The following SAMTOR variants were observed in gnomAD, a reference collection of about 807,000 sequenced individuals.
The protein encoded by SAMTOR is S-adenosylmethionine sensor upstream of mTORC1, also known as UPF0532 protein C7orf60.
the SAMTOR span, among the ~76,000 whole-genome samples, chr7:112,929,378 A>C: frequency 6.6e-6 from 1 of 152,034 alleles, no homozygotes; most frequent in Non-Finnish European, 1.5e-5. Context: ...GCAAATTAAA[A>C]CCACAATAAG....
chr7:112,877,448 A>AC, the SAMTOR span, among the ~76,000 whole-genome samples: 13 of 152,226 alleles, frequency 8.5e-5, no homozygotes, highest in African/African-American at 2.9e-4. Flanking sequence ...ATTGCTATTT[A>AC]CCATATTAGA....
At chr7:112,836,010 G>A in the SAMTOR span, among the ~76,000 whole-genome samples, 1 of 152,042 alleles carries the variant, frequency 6.6e-6, no homozygotes, top group Non-Finnish European at 1.5e-5. Context: ...CAATAATGGG[G>A]GATTGCTGAG....
the SAMTOR span, among the ~76,000 whole-genome samples, chr7:112,855,892 C>T: frequency 6.6e-6 from 1 of 151,490 alleles, no homozygotes; most frequent in Non-Finnish European, 1.5e-5. Flanking sequence ...CCTACCTCAC[C>T]ATGCTTGGGG....
At chr7:112,931,644 G>A in the SAMTOR span, among the ~76,000 whole-genome samples, 6 of 152,104 alleles carry the variant, frequency 3.9e-5, no homozygotes, top group African/African-American at 1.4e-4. Context: ...ATTTTCATAT[G>A]TTCAATTAAA....
At chr7:112,892,172 G>C in the SAMTOR span, among the ~76,000 whole-genome samples, 1 of 151,276 alleles carries the variant, frequency 6.6e-6, no homozygotes, top group African/African-American at 2.4e-5. Flanking sequence ...TCATCCATAA[G>C]AAACGACTCC....
At chr7:112,930,407 G>A in the SAMTOR span, among the ~76,000 whole-genome samples, 1 of 151,686 alleles carries the variant, frequency 6.6e-6, no homozygotes, top group Non-Finnish European at 1.5e-5. Flanking sequence ...GCATCTTATA[G>A]CCAACATGTT....
chr7:112,921,775 C>CAAGTGGGTG, the SAMTOR span, among the ~76,000 whole-genome samples: 7,498 of 7,514 alleles, frequency 1, 3,742 homozygotes, highest in Middle Eastern at 1. Flanking sequence ...ACCCCATCAA[C>CAAGTGGGTG]AAGGACATTA....
chr7:112,920,494 T>C, the SAMTOR span, among the ~76,000 whole-genome samples: 1 of 149,468 alleles, frequency 6.7e-6, no homozygotes, highest in African/African-American at 2.5e-5. Context: ...GCCAATATCA[T>C]ACTGAATGGG....
At chr7:112,856,059 C>A in the SAMTOR span, among the ~76,000 whole-genome samples, 1 of 152,002 alleles carries the variant, frequency 6.6e-6, no homozygotes, top group East Asian at 1.9e-4. Context: ...AATAAAAACC[C>A]AGAACTTTAT....
chr7:112,820,721 A>C, the SAMTOR span: 1 of 152,066 alleles, frequency 6.6e-6, no homozygotes, highest in Non-Finnish European at 1.5e-5. Context: ...TAAAGTTTAG[A>C]TAGAAATTAA....
chr7:112,845,073 C>T, the SAMTOR span, among the ~76,000 whole-genome samples: 1 of 152,126 alleles, frequency 6.6e-6, no homozygotes, highest in Admixed American at 6.6e-5. Flanking sequence ...TTCTTGACAC[C>T]ATATACAAAA....
chr7:112,891,687 T>C, the SAMTOR span, among the ~76,000 whole-genome samples: 1 of 152,240 alleles, frequency 6.6e-6, no homozygotes, highest in Admixed American at 6.5e-5. Context: ...TAAGTTATGT[T>C]CCACTACACC....
the SAMTOR span, among the ~76,000 whole-genome samples, chr7:112,861,636 G>A: frequency 6.6e-6 from 1 of 152,030 alleles, no homozygotes; most frequent in African/African-American, 2.4e-5. Context: ...TAATAAATCT[G>A]ATCCTTCTGT....
chr7:112,912,656 T>G, the SAMTOR span, among the ~76,000 whole-genome samples: 2 of 152,060 alleles, frequency 1.3e-5, no homozygotes, highest in African/African-American at 4.8e-5. Flanking sequence ...GTTACATAAC[T>G]TCTCTTAGTA....
chr7:112,865,650 CATAT>C, the SAMTOR span, among the ~76,000 whole-genome samples: 1 of 136,524 alleles, frequency 7.3e-6, no homozygotes, highest in African/African-American at 2.8e-5. Context: ...TACATATATT[CATAT>C]ATATATTTCA....
At chr7:112,915,201 C>A in the SAMTOR span, 1 of 1,090,006 alleles carries the variant, frequency 9.2e-7, no homozygotes, top group Non-Finnish European at 1.3e-6. Flanking sequence ...TCACGCCATG[C>A]ACTCCAGCCT....
chr7:112,857,380 C>T, the SAMTOR span, among the ~76,000 whole-genome samples: 3 of 148,782 alleles, frequency 2.0e-5, no homozygotes, highest in East Asian at 1.9e-4. Flanking sequence ...CGTGAGCCAC[C>T]GCGCCCGGCC....
At chr7:112,859,989 A>AC in the SAMTOR span, among the ~76,000 whole-genome samples, 1 of 152,122 alleles carries the variant, frequency 6.6e-6, no homozygotes. Context: ...ATTCACTCTC[A>AC]CCCAGAGCAA....
chr7:112,936,592 GAAC>G, the SAMTOR span, among the ~76,000 whole-genome samples: 1 of 152,086 alleles, frequency 6.6e-6, no homozygotes, highest in Non-Finnish European at 1.5e-5. Flanking sequence ...CAGCAAAAAA[GAAC>G]AACACAACTT....
Sources: allele counts gnomAD v4.1 joint callset (sites outside exome capture counted in the v4.1 genomes callset), GRCh38; gene constraint gnomAD v4.1.1; transcripts MANE v1.5; gene names NCBI Gene and HGNC (gene_info 2026-07-23, HGNC 2026-07-21).